RALYL: variants seen among roughly 807,000 people sequenced by gnomAD.
The protein encoded by RALYL is RALY RNA binding protein like.
Under a neutral mutation model 35.1 loss-of-function variants are expected in RALYL, and 29 were observed. The observed-to-expected ratio is 0.83, with a 90% CI of 0.61 to 1.13. The LOEUF is 1.13. Ranked by LOEUF, RALYL falls within the 50% of genes most tolerant of loss-of-function variation. The pLI, the probability that RALYL is intolerant of heterozygous loss-of-function variation, is 0.00. For synonymous variants in RALYL, 120 were observed against 127.6 expected, an observed-to-expected ratio of 0.94 and a Z score of 0.40; for missense variants, 359 against 360.4, an observed-to-expected ratio of 1.00 and a Z score of 0.03.
chr8:84,595,884 C>G (rs1201386577), intron 2 of RALYL, among the ~76,000 whole-genome samples: 1 of 151,194 alleles, frequency 6.6e-6, no homozygotes. Flanking sequence ...ATGGGAACAG[C>G]AGGCAGGATC....
intron 1 of RALYL, among the ~76,000 whole-genome samples, chr8:84,365,905 G>C (rs1260371886): frequency 1.3e-5 from 2 of 152,208 alleles, no homozygotes; most frequent in Non-Finnish European, 2.9e-5. Context: ...GGAGGTCCCT[G>C]CTGCTGGTAC....
At chr8:84,301,429 A>G (rs1840761883) in intron 1 of RALYL, among the ~76,000 whole-genome samples, 1 of 152,072 alleles carries the variant, frequency 6.6e-6, no homozygotes, top group African/African-American at 2.4e-5. Flanking sequence ...ATGTTGGCCT[A>G]TGTAGTGAGA....
intron 1 of RALYL, among the ~76,000 whole-genome samples, chr8:84,424,103 C>A (rs532399778): frequency 1.4e-4 from 22 of 151,960 alleles, no homozygotes; most frequent in African/African-American, 5.1e-4. Context: ...GCCTGCCTTG[C>A]TAGATTGGGG....
intron 2 of RALYL, among the ~76,000 whole-genome samples, chr8:84,752,274 A>G (rs112582817): frequency 6.3e-4 from 96 of 152,334 alleles, no homozygotes; most frequent in African/African-American, 2.2e-3. Context: ...TATCTGGCAG[A>G]AGAAAATTCT....
At chr8:84,568,256 GTTC>G (rs2061934386) in intron 2 of RALYL, among the ~76,000 whole-genome samples, 1 of 134,038 alleles carries the variant, frequency 7.5e-6, no homozygotes, top group South Asian at 2.4e-4. Flanking sequence ...GTGTCCATGT[GTTC>G]TCATTGTTCA....
chr8:84,335,728 T>TTTTTTC (rs1491282626), intron 1 of RALYL, among the ~76,000 whole-genome samples: 2 of 140,772 alleles, frequency 1.4e-5, no homozygotes, highest in Non-Finnish European at 3.2e-5. Flanking sequence ...TTTTTTTTTT[T>TTTTTTC]CCAAGACCTG....
chr8:84,728,642 G>C (rs556925999), intron 2 of RALYL, among the ~76,000 whole-genome samples: 1 of 151,972 alleles, frequency 6.6e-6, no homozygotes, highest in Non-Finnish European at 1.5e-5. Flanking sequence ...ATCTTGAATT[G>C]ATTTTTGTAT....
At chr8:84,886,267 G>T (rs1321807073) in intron 7 of RALYL, among the ~76,000 whole-genome samples, 1 of 139,042 alleles carries the variant, frequency 7.2e-6, no homozygotes, top group African/African-American at 3.0e-5. Context: ...AAGAATATCT[G>T]CTTATTTGCT....
chr8:84,338,382 A>G (rs1284862300), intron 1 of RALYL, among the ~76,000 whole-genome samples: 1 of 151,904 alleles, frequency 6.6e-6, no homozygotes, highest in Admixed American at 6.6e-5. Context: ...TTGTCCGAAG[A>G]GAACTAAAGA....
chr8:84,552,358 A>ATTTTTTTTTTTTT (rs1167949176), intron 2 of RALYL, among the ~76,000 whole-genome samples: 1 of 30,638 alleles, frequency 3.3e-5, no homozygotes, highest in East Asian at 1.3e-3. Flanking sequence ...ATATATATAT[A>ATTTTTTTTTTTTT]TTTTTTTTTT....
chr8:84,813,118 C>T (rs1428642366), intron 4 of RALYL, among the ~76,000 whole-genome samples: 1 of 152,194 alleles, frequency 6.6e-6, no homozygotes, highest in African/African-American at 2.4e-5. Context: ...CTGTATTTCA[C>T]TCAGCTCTTG....
At chr8:84,671,354 G>T (rs572965867) in intron 2 of RALYL, among the ~76,000 whole-genome samples, 1 of 152,144 alleles carries the variant, frequency 6.6e-6, no homozygotes, top group African/African-American at 2.4e-5. Context: ...CCATTCTGGG[G>T]TCTGGAGGAT....
chr8:84,481,583 G>A (rs2054043644), intron 1 of RALYL, among the ~76,000 whole-genome samples: 1 of 152,046 alleles, frequency 6.6e-6, no homozygotes, highest in Admixed American at 6.6e-5. Flanking sequence ...ATATCTATGA[G>A]ACAATGGATA....
intron 1 of RALYL, among the ~76,000 whole-genome samples, chr8:84,504,789 G>A (rs1222363218): frequency 6.6e-6 from 1 of 152,054 alleles, no homozygotes; most frequent in Non-Finnish European, 1.5e-5. Flanking sequence ...CACATACCAA[G>A]TAAAGCTATA....
intron 2 of RALYL, among the ~76,000 whole-genome samples, chr8:84,621,029 G>T (rs969049776): frequency 6.6e-6 from 1 of 152,326 alleles, no homozygotes; most frequent in African/African-American, 2.4e-5. Flanking sequence ...AGTCTGCAGA[G>T]GTTACTGCTG....
At chr8:84,436,948 TG>T (rs2047797244) in intron 1 of RALYL, among the ~76,000 whole-genome samples, 1 of 152,104 alleles carries the variant, frequency 6.6e-6, no homozygotes, top group Admixed American at 6.6e-5. Context: ...TGAGTGATGC[TG>T]GGGTTGCTGC....
intron 1 of RALYL, among the ~76,000 whole-genome samples, chr8:84,330,016 T>G (rs1444805969): frequency 1.4e-5 from 2 of 144,820 alleles, no homozygotes; most frequent in Non-Finnish European, 3.1e-5. Flanking sequence ...ATTATGAATA[T>G]GTAAAGAATT....
At chr8:84,625,334 G>T (rs536171327) in intron 2 of RALYL, among the ~76,000 whole-genome samples, 12 of 152,260 alleles carry the variant, frequency 7.9e-5, no homozygotes, top group Non-Finnish European at 1.6e-4. Flanking sequence ...CAGAAGTAAA[G>T]AACTCTTCCT....
intron 2 of RALYL, among the ~76,000 whole-genome samples, chr8:84,552,716 C>CCT (rs2060831616): frequency 6.8e-6 from 1 of 146,978 alleles, no homozygotes; most frequent in African/African-American, 2.5e-5. Context: ...AATTAGACCC[C>CCT]TTTTTTTTTT....
Sources: gnomAD v4.1 joint callset for allele counts (sites outside exome capture counted in the v4.1 genomes callset) on GRCh38, gnomAD v4.1.1 for gene constraint, MANE v1.5 for transcripts, NCBI Gene and HGNC (gene_info 2026-07-23, HGNC 2026-07-21) for gene names.